Variants in ABCC4 observed in about 807,000 individuals in gnomAD.
The protein encoded by ABCC4 is ATP-binding cassette sub-family C member 4.
ABCC4 carries 102 observed loss-of-function variants against 168.5 expected under a neutral mutation model. That is an observed-to-expected ratio of 0.61 (90% CI 0.52 to 0.71). The LOEUF is 0.71. ABCC4 is among the 30% of genes least tolerant of loss of function. ABCC4 has a pLI of 0.00. For synonymous variants in ABCC4, 617 were observed against 590.7 expected (o/e 1.04, Z -0.65); for missense variants, 1,402 against 1,605.8 (o/e 0.87, Z 2.17).
chr13:95,222,529 G>A (rs4773849), intron 4 of ABCC4, among the ~76,000 whole-genome samples: 116,031 of 152,070 alleles, frequency 0.76, 44,788 homozygotes, highest in Non-Finnish European at 0.84. Flanking sequence ...CCAGAAGGCT[G>A]TGGGGTGGGG....
At chr13:95,138,594 C>A (rs943912469) in intron 19 of ABCC4, among the ~76,000 whole-genome samples, 2 of 151,992 alleles carry the variant, frequency 1.3e-5, no homozygotes, top group Admixed American at 6.6e-5. Context: ...GAGGCCCAGG[C>A]AGTAGGATCA....
chr13:95,059,768 G>C (rs1331160361), intron 26 of ABCC4, among the ~76,000 whole-genome samples: 1 of 152,136 alleles, frequency 6.6e-6, no homozygotes, highest in Admixed American at 6.5e-5. Flanking sequence ...ATAGCGAGTA[G>C]CAATAATGCC....
At chr13:95,058,755 T>C (rs1016568002) in intron 26 of ABCC4, among the ~76,000 whole-genome samples, 1 of 152,186 alleles carries the variant, frequency 6.6e-6, no homozygotes, top group Non-Finnish European at 1.5e-5. Context: ...TTAATCTCCC[T>C]GAGCCTTAGT....
intron 4 of ABCC4, among the ~76,000 whole-genome samples, chr13:95,220,632 C>T (rs1042237156): frequency 5.3e-5 from 8 of 152,200 alleles, no homozygotes; most frequent in Non-Finnish European, 8.8e-5. Flanking sequence ...GTAATGCCTT[C>T]ATCTCTTTCA....
At chr13:95,067,362 C>G (rs566783190) in intron 25 of ABCC4, among the ~76,000 whole-genome samples, 32 of 152,138 alleles carry the variant, frequency 2.1e-4, no homozygotes, top group African/African-American at 7.5e-4. Context: ...GGCACTTGGC[C>G]CAGGACTATC....
intron 4 of ABCC4, among the ~76,000 whole-genome samples, chr13:95,224,948 AG>A (rs1308990808): frequency 6.6e-6 from 1 of 152,146 alleles, no homozygotes; most frequent in Non-Finnish European, 1.5e-5. Flanking sequence ...GGTGAAGATG[AG>A]GGGATATTAA....
At chr13:95,144,983 A>T (rs981444863) in intron 19 of ABCC4, among the ~76,000 whole-genome samples, 78 of 152,192 alleles carry the variant, frequency 5.1e-4, no homozygotes, top group African/African-American at 1.5e-3. Context: ...AGCAAAAAAC[A>T]AACAACTCCA....
At chr13:95,212,419 T>C (rs1199970080) in intron 4 of ABCC4, among the ~76,000 whole-genome samples, 2 of 152,190 alleles carry the variant, frequency 1.3e-5, no homozygotes, top group African/African-American at 4.8e-5. Flanking sequence ...TTTTAAAGCA[T>C]GTAAATTTGA....
At position 95,276,988 on chromosome 13, in the gene ABCC4, C is replaced by T. The variant is rs138427659; in HGVS notation, c.74+24253G>A. Reference sequence around the variant, plus strand: ...TAGCCGAAGTCGCACCACTGCACTCCAGACTGGGCGACAGAGCGAGACTCA... The same window carrying T: ...TAGCCGAAGTCGCACCACTGCACTCTAGACTGGGCGACAGAGCGAGACTCA... On this transcript the variant is annotated intron_variant, in intron 1 of 30. Coordinates refer to ENST00000645237, the MANE Select transcript of ABCC4 (RefSeq NM_005845.5). Among the ~76,000 whole-genome samples the T allele has an allele frequency of 1.1e-3, 168 of 152,146 alleles. 2 individuals carry two copies. In the East Asian group the frequency reaches 0.028, roughly 25 times the overall value.
intron 20 of ABCC4, among the ~76,000 whole-genome samples, chr13:95,086,420 A>G (rs1251865036): frequency 2.0e-5 from 3 of 152,216 alleles, no homozygotes; most frequent in Non-Finnish European, 4.4e-5. Context: ...TTCAATATCT[A>G]TATTTGAATG....
chr13:95,295,521 A>G (rs7336079), intron 1 of ABCC4, among the ~76,000 whole-genome samples: 8,459 of 151,978 alleles, frequency 0.056, 654 homozygotes, highest in African/African-American at 0.18. Flanking sequence ...AGCTGGATGC[A>G]GTGGCGTGCG....
At chr13:95,181,365 C>G (rs374867511) in intron 11 of ABCC4, among the ~76,000 whole-genome samples, 2 of 152,226 alleles carry the variant, frequency 1.3e-5, no homozygotes, top group Non-Finnish European at 2.9e-5. Context: ...TTGGGCCACA[C>G]CTTGCTTCCA....
intron 19 of ABCC4, among the ~76,000 whole-genome samples, chr13:95,155,035 C>G (rs954749182): frequency 3.9e-5 from 6 of 152,118 alleles, no homozygotes; most frequent in African/African-American, 7.2e-5. Context: ...AAAAGCTCAT[C>G]ATGGAGGTTG....
intron 20 of ABCC4, among the ~76,000 whole-genome samples, chr13:95,083,529 T>C (rs899143709): frequency 6.1e-5 from 9 of 146,778 alleles, no homozygotes; most frequent in Non-Finnish European, 1.2e-4. Flanking sequence ...TTTTCCTTTT[T>C]CTTTTTTTTT....
intron 3 of ABCC4, among the ~76,000 whole-genome samples, chr13:95,241,392 T>G (rs2039940772): frequency 6.6e-6 from 1 of 151,306 alleles, no homozygotes; most frequent in Admixed American, 6.6e-5. Flanking sequence ...CACATCTCAT[T>G]TCTCAAAGAA....
At chr13:95,068,666 C>T (rs573285035) in intron 25 of ABCC4, among the ~76,000 whole-genome samples, 1 of 152,264 alleles carries the variant, frequency 6.6e-6, no homozygotes, top group Admixed American at 6.5e-5. Flanking sequence ...TTCAATTTAC[C>T]CTCCCACATT....
At chr13:95,125,097 C>G (rs915741866) in intron 19 of ABCC4, among the ~76,000 whole-genome samples, 4 of 151,950 alleles carry the variant, frequency 2.6e-5, no homozygotes, top group Non-Finnish European at 1.5e-5. Flanking sequence ...ACAGAAGATA[C>G]AGTGGAGGCT....
chr13:95,254,562 C>T (rs1041520660), intron 1 of ABCC4, among the ~76,000 whole-genome samples: 2 of 152,176 alleles, frequency 1.3e-5, no homozygotes, highest in East Asian at 1.9e-4. Flanking sequence ...AGTTATCAGC[C>T]GTCACATCTT....
intron 19 of ABCC4, among the ~76,000 whole-genome samples, chr13:95,121,952 T>A (rs373693265): frequency 6.6e-6 from 1 of 152,174 alleles, no homozygotes; most frequent in African/African-American, 2.4e-5. Context: ...ACTCCTCATG[T>A]TAGAGATGTG....
Sources: allele counts gnomAD v4.1 joint callset (sites outside exome capture counted in the v4.1 genomes callset), GRCh38; gene constraint gnomAD v4.1.1; transcripts MANE v1.5; gene names NCBI Gene and HGNC (gene_info 2026-07-23, HGNC 2026-07-21).